KAT2B: variants seen among roughly 807,000 people sequenced by gnomAD.
The protein encoded by KAT2B is histone acetyltransferase KAT2B.
KAT2B carries 36 observed loss-of-function variants against 105.9 expected under a neutral mutation model. That is an observed-to-expected ratio of 0.34 (90% confidence interval 0.26 to 0.45). The LOEUF (loss-of-function observed/expected upper bound fraction) is 0.45, where lower values mean the gene tolerates loss of function less well. Among genes scored for constraint, KAT2B ranks in the 20% least tolerant of loss-of-function variants. The pLI, the probability that KAT2B is intolerant of heterozygous loss-of-function variation, is 1.00. For synonymous variants in KAT2B, 397 were observed against 377.9 expected, an observed-to-expected ratio of 1.05 and a Z score of -0.59; for missense variants, 820 against 1,021.6, an observed-to-expected ratio of 0.80 and a Z score of 2.69.
rs1699914520 is a variant in KAT2B at position 20,154,337 on chromosome 3, AC to A, written c.*1813del. ...TGCTTTAACAGCTGATAAAAATTTT[AC>A]ATTTGTAAAATTAATATATTGTACT... On this transcript the variant is annotated 3_prime_UTR_variant, in exon 18 of 18. Coordinates refer to ENST00000263754, the MANE Select transcript of KAT2B (RefSeq NM_003884.5). The A allele has an allele frequency of 6.5e-6, 1 of 152,674 alleles. No individual in the cohort carries two copies. The highest frequency in any genetic ancestry group is 1.5e-5 in the Non-Finnish European group (1 of 68,036). The allele number at this position is 152,674 out of a possible 1,614,324, so 9.5% of individuals were successfully genotyped here. A position where few individuals can be genotyped will look rare whatever the true frequency, so the allele number is the denominator to read the frequency against.
intron 6 of KAT2B, among the ~76,000 whole-genome samples, chr3:20,112,082 G>A (rs1266144134): frequency 2.0e-5 from 3 of 151,988 alleles, no homozygotes; most frequent in Non-Finnish European, 2.9e-5. Context: ...TATATTCAGC[G>A]GCCAGGAAGC....
rs905320664 is a variant in KAT2B at position 20,040,596 on chromosome 3, C to G, written c.119C>G (p.Ser40Cys). Residue 40 changes from serine to cysteine, a missense_variant, in exon 1 of 18, where the codon TCC becomes TGC. Physicochemically the swap from Ser to Cys is moderately radical, Grantham distance 112. Around this residue, in one of 6 missense-constraint regions of KAT2B, gnomAD observed 190 missense variants for 176.7 expected, o/e 1.08. Coordinates refer to ENST00000263754, the MANE Select transcript of KAT2B (RefSeq NM_003884.5). ...CTTCCGCCCGCGCCCCCGCAGGGCT[C>G]CCCCTGCGCCGCTGCCGCCGGGGGC... ...AALPPAPPQG[S>C]PCAAAAGGSG... The G allele has an allele frequency of 9.7e-6, 12 of 1,237,250 alleles. No individual in the cohort carries two copies. The highest frequency in any genetic ancestry group is 1.1e-5 in the Non-Finnish European group (11 of 985,446). The allele number at this position is 1,237,250 out of a possible 1,614,324, so 76.6% of individuals were successfully genotyped here. A position where few individuals can be genotyped will look rare whatever the true frequency, so the allele number is the denominator to read the frequency against.
intron 1 of KAT2B, among the ~76,000 whole-genome samples, chr3:20,040,992 A>G (rs149773039): frequency 6.6e-6 from 1 of 152,194 alleles, no homozygotes; most frequent in African/African-American, 2.4e-5. Flanking sequence ...GGGGATCACT[A>G]AGACGGAGAG....
intron 12 of KAT2B, among the ~76,000 whole-genome samples, chr3:20,138,759 G>A (rs541766901): frequency 8.5e-4 from 129 of 152,156 alleles, no homozygotes; most frequent in African/African-American, 3.0e-3. Context: ...ATTGATTTGT[G>A]AGAACTATTA....
intron 11 of KAT2B, among the ~76,000 whole-genome samples, chr3:20,133,036 T>A (rs993557924): frequency 2.0e-5 from 3 of 152,224 alleles, no homozygotes; most frequent in Admixed American, 2.0e-4. Context: ...TAAAAAAATT[T>A]TTTTAGAAAT....
intron 11 of KAT2B, among the ~76,000 whole-genome samples, chr3:20,131,469 A>G (rs1027567376): frequency 6.6e-6 from 1 of 152,190 alleles, no homozygotes; most frequent in African/African-American, 2.4e-5. Context: ...ACAACATGGA[A>G]GCACTTCTTC....
At chr3:20,151,643 T>C (rs1373836069) in intron 17 of KAT2B, among the ~76,000 whole-genome samples, 2 of 152,180 alleles carry the variant, frequency 1.3e-5, no homozygotes, top group Non-Finnish European at 2.9e-5. Context: ...TCAGTTTAGA[T>C]GGAGTACTGT....
chr3:20,085,968 C>T (rs938425306), intron 2 of KAT2B, among the ~76,000 whole-genome samples: 2 of 152,094 alleles, frequency 1.3e-5, no homozygotes, highest in African/African-American at 2.4e-5. Context: ...TCTCTTCTTA[C>T]CTTTTAAAAA....
chr3:20,062,282 A>T (rs185284563), intron 1 of KAT2B, among the ~76,000 whole-genome samples: 1,197 of 50,766 alleles, frequency 0.024, 36 homozygotes, highest in Non-Finnish European at 0.028. Context: ...TAATATATAA[A>T]ATATAATATA....
At chr3:20,079,346 AG>A (rs1251014717) in intron 2 of KAT2B, among the ~76,000 whole-genome samples, 4 of 151,736 alleles carry the variant, frequency 2.6e-5, no homozygotes, top group African/African-American at 9.7e-5. Context: ...CTGGGATTAC[AG>A]GCACCCACCA....
At chr3:20,120,776 A>G (rs544875716) in intron 8 of KAT2B, among the ~76,000 whole-genome samples, 1 of 152,300 alleles carries the variant, frequency 6.6e-6, no homozygotes, top group Admixed American at 6.5e-5. Context: ...ATTTCTGTCC[A>G]CAGACTTGAC....
chr3:20,123,319 C>T (rs1403390383), intron 9 of KAT2B, among the ~76,000 whole-genome samples: 1 of 152,184 alleles, frequency 6.6e-6, no homozygotes, highest in African/African-American at 2.4e-5. Flanking sequence ...TATTCTCTTA[C>T]ATAACCACAA....
intron 1 of KAT2B, among the ~76,000 whole-genome samples, chr3:20,055,739 A>C (rs779137479): frequency 1.2e-4 from 19 of 152,200 alleles, no homozygotes; most frequent in Non-Finnish European, 2.5e-4. Context: ...TAGTTCTGAT[A>C]CGTTTCAACA....
At chr3:20,088,916 A>C (rs1698667018) in intron 2 of KAT2B, among the ~76,000 whole-genome samples, 1 of 152,162 alleles carries the variant, frequency 6.6e-6, no homozygotes, top group African/African-American at 2.4e-5. Flanking sequence ...AGGTTTTTGT[A>C]TATGGTATGA....
At chr3:20,095,189 C>A (rs1026016157) in intron 2 of KAT2B, 74 bp from the exon 3 acceptor site, 9 of 1,221,066 alleles carry the variant, frequency 7.4e-6, no homozygotes. Context: ...TGAAAGAGGA[C>A]CTTCCACTTA....
At chr3:20,063,186 G>A (rs1698166319) in intron 1 of KAT2B, among the ~76,000 whole-genome samples, 1 of 152,052 alleles carries the variant, frequency 6.6e-6, no homozygotes, top group Admixed American at 6.6e-5. Context: ...GCCTGCCTCA[G>A]CCTTCTGAGT....
chr3:20,120,313 T>G (rs1452073568), intron 8 of KAT2B, among the ~76,000 whole-genome samples: 2 of 152,042 alleles, frequency 1.3e-5, no homozygotes, highest in Non-Finnish European at 2.9e-5. Flanking sequence ...CTGCAACCTC[T>G]GCCTCCTGGG....
chr3:20,113,056 T>C (rs1367020009), intron 6 of KAT2B, among the ~76,000 whole-genome samples: 6 of 152,220 alleles, frequency 3.9e-5, no homozygotes, highest in Non-Finnish European at 7.3e-5. Flanking sequence ...AATTTTTCTT[T>C]AGAGAACCAG....
chr3:20,122,527 T>C (rs1485762512), intron 8 of KAT2B, 141 bp from the exon 9 acceptor site: 5 of 578,526 alleles, frequency 8.6e-6, no homozygotes, highest in Non-Finnish European at 1.2e-5. Flanking sequence ...TTTCCTGTCT[T>C]CCTTTGTCAC....
Sources: gnomAD v4.1 joint callset for allele counts (sites outside exome capture counted in the v4.1 genomes callset) on GRCh38, gnomAD v4.1.1 for gene constraint, gnomAD v4.1.1 regional missense constraint, MANE v1.5 for transcripts, NCBI Gene and HGNC (gene_info 2026-07-23, HGNC 2026-07-21) for gene names.